Variants in TBCE observed in about 807,000 individuals in gnomAD.
TBCE encodes the protein tubulin-specific chaperone E.
TBCE carries 53 observed loss-of-function variants against 77.0 expected under a neutral mutation model. That is an observed-to-expected ratio of 0.69 (90% CI 0.55 to 0.87). The LOEUF (loss-of-function observed/expected upper bound fraction) is 0.87. Ranked by LOEUF, TBCE falls within the 40% of genes least tolerant of loss-of-function variation. The pLI is 0.00. For synonymous variants in TBCE, 235 were observed against 241.3 expected (o/e 0.97, Z 0.24); for missense variants, 624 against 622.4 (o/e 1.00, Z -0.03).
At chr1:235,422,918 G>T (rs1680480217) in intron 5 of TBCE, among the ~76,000 whole-genome samples, 1 of 152,218 alleles carries the variant, frequency 6.6e-6, no homozygotes, top group Non-Finnish European at 1.5e-5. Flanking sequence ...TGAAGAATCA[G>T]CATGTTGTTT....
intron 2 of TBCE, among the ~76,000 whole-genome samples, chr1:235,394,897 G>A (rs1222146451): frequency 6.6e-6 from 1 of 151,838 alleles, no homozygotes; most frequent in Non-Finnish European, 1.5e-5. Context: ...TTGAGACAAG[G>A]TCTTCCTATG....
At chr1:235,406,923 C>T (rs996694165) in intron 3 of TBCE, among the ~76,000 whole-genome samples, 4 of 145,946 alleles carry the variant, frequency 2.7e-5, no homozygotes, top group Admixed American at 7.2e-5. Flanking sequence ...CACCCTCCTT[C>T]TCCCAGGTTC....
intron 2 of TBCE, among the ~76,000 whole-genome samples, chr1:235,386,713 A>C (rs980434852): frequency 2.0e-5 from 3 of 152,198 alleles, no homozygotes; most frequent in Non-Finnish European, 4.4e-5. Flanking sequence ...AATTTTTTTC[A>C]AAGTTTTTAA....
intron 4 of TBCE, chr1:235,414,920 T>G (rs955435650): frequency 1.1e-5 from 4 of 364,178 alleles, no homozygotes; most frequent in African/African-American, 2.1e-5. Flanking sequence ...TTGGGTTCTT[T>G]TCTATTTCAT....
intron 3 of TBCE, among the ~76,000 whole-genome samples, chr1:235,405,433 C>T (rs751383519): frequency 2.0e-5 from 3 of 150,404 alleles, no homozygotes; most frequent in Non-Finnish European, 3.0e-5. Flanking sequence ...GTCAAGAGTT[C>T]GGGACCACCC....
At chr1:235,391,971 TTTACA>T (rs971939138) in intron 2 of TBCE, among the ~76,000 whole-genome samples, 7 of 151,890 alleles carry the variant, frequency 4.6e-5, no homozygotes, top group African/African-American at 1.7e-4. Context: ...TCCTAAATAC[TTTACA>T]TTGTAATTCT....
intron 2 of TBCE, among the ~76,000 whole-genome samples, chr1:235,391,492 A>C (rs1450510171): frequency 6.6e-6 from 1 of 151,732 alleles, no homozygotes; most frequent in African/African-American, 2.4e-5. Flanking sequence ...AAAAAAAAAA[A>C]GCGTAGACAA....
intron 7 of TBCE, chr1:235,433,022 T>C: frequency 6.5e-7 from 1 of 1,540,506 alleles, no homozygotes; most frequent in Non-Finnish European, 8.7e-7. Flanking sequence ...GATCTGTGCG[T>C]GCTGCAGAAA....
chr1:235,444,656 T>A (rs1012077185), intron 15 of TBCE, among the ~76,000 whole-genome samples: 1 of 152,180 alleles, frequency 6.6e-6, no homozygotes, highest in African/African-American at 2.4e-5. Context: ...TCTCCTGTCA[T>A]CACCTCCCAA....
chr1:235,370,942 A>G (rs1326862164), intron 1 of TBCE, among the ~76,000 whole-genome samples: 1 of 136,690 alleles, frequency 7.3e-6, no homozygotes, highest in African/African-American at 2.7e-5. Context: ...GGGTTTCACC[A>G]TGTTGGTCAG....
chr1:235,433,941 C>T (rs1236559710), intron 7 of TBCE: 5 of 542,244 alleles, frequency 9.2e-6, no homozygotes, highest in Non-Finnish European at 1.7e-5. Context: ...AGCTGCTTTA[C>T]CTAAACCATG....
intron 3 of TBCE, among the ~76,000 whole-genome samples, chr1:235,408,484 C>T (rs2102870447): frequency 6.7e-6 from 1 of 148,360 alleles, no homozygotes; most frequent in African/African-American, 2.5e-5. Context: ...GGGCAAGGCG[C>T]ATCTCTGTTC....
In TBCE at chr1:235,438,759, A is replaced by G. The variant is rs370133351; in HGVS notation, c.1117-10A>G. On this transcript the variant is annotated splice_polypyrimidine_tract_variant and intron_variant, in intron 12 of 16. Transcript: ENST00000642610. ...TGTAATAGGCTTGTTTTTATGTCAC[A>G]TGAACATAGATTCTCCCCGAGGAGA... 1.4e-5 allele frequency: 23 copies of G among 1,614,080 alleles called. No individual in the cohort carries two copies. The highest frequency in any genetic ancestry group is 1.6e-4 in the Middle Eastern group (1 of 6,084).
At chr1:235,404,286 AAAAAATT>A (rs1194501277) in intron 3 of TBCE, among the ~76,000 whole-genome samples, 2 of 113,816 alleles carry the variant, frequency 1.8e-5, no homozygotes, top group Admixed American at 9.5e-5. Flanking sequence ...CAAGAAAAAA[AAAAAATT>A]AAGCAGTGTG....
chr1:235,390,626 T>G (rs1678321212), intron 2 of TBCE, among the ~76,000 whole-genome samples: 1 of 151,938 alleles, frequency 6.6e-6, no homozygotes, highest in East Asian at 1.9e-4. Context: ...TCAGATGTGG[T>G]GGTGCATGCC....
chr1:235,429,238 C>CT (rs1680950078), intron 6 of TBCE: 1 of 151,678 alleles, frequency 6.6e-6, no homozygotes, highest in South Asian at 2.1e-4. Context: ...TTCCACCCAC[C>CT]TCGGCCTCCC....
At chr1:235,436,653 C>T in intron 11 of TBCE, 45 bp downstream of exon 11, 1 of 1,543,960 alleles carries the variant, frequency 6.5e-7, no homozygotes, top group Non-Finnish European at 9.0e-7. Flanking sequence ...TGCCTCTTTC[C>T]ACTCTCATGG....
rs566329297 is a variant in TBCE at position 235,443,026 on chromosome 1, G to C, written c.1399+115G>C. The stretch of plus-strand genomic sequence containing the variant: ...CAAAGTGTGGACCTCAGAACTTACA[G>C]GTTTTCATTAGTCTTTTATATTCTA... On this transcript the variant is annotated intron_variant, in intron 15 of 16. Coordinates refer to ENST00000642610, the MANE Select transcript of TBCE (RefSeq NM_003193.5). 3.6e-4 allele frequency: 358 copies of C among 996,218 alleles called. 3 individuals carry two copies. Among genetic ancestry groups the C allele is most frequent in the South Asian group, 3.4e-3 (244 of 71,102 alleles). The allele number at this position is 996,218 out of a possible 1,614,324, so 61.7% of individuals were successfully genotyped here.
chr1:235,401,689 G>GT, intron 3 of TBCE, 102 bp downstream of exon 3: 2 of 987,610 alleles, frequency 2.0e-6, no homozygotes, highest in Non-Finnish European at 3.2e-6. Context: ...TCATGGAGTA[G>GT]TTATATTATG....
Sources: gnomAD v4.1 joint callset for allele counts (sites outside exome capture counted in the v4.1 genomes callset) on GRCh38, gnomAD v4.1.1 for gene constraint, MANE v1.5 for transcripts, NCBI Gene and HGNC (gene_info 2026-07-23, HGNC 2026-07-21) for gene names.